Variants in UHRF1 observed in about 807,000 individuals in gnomAD.
The protein encoded by UHRF1 is E3 ubiquitin-protein ligase UHRF1.
In UHRF1, 9 loss-of-function variants were observed where a neutral mutation model predicts 96.5. The observed-to-expected ratio is 0.09, with a 90% CI of 0.06 to 0.16. The LOEUF is 0.16. Among genes scored for constraint, UHRF1 ranks in the 10% least tolerant of loss-of-function variants. The pLI is 1.00. For missense variants in UHRF1, 626 were observed against 1,131.1 expected, an observed-to-expected ratio of 0.55 and a Z score of 6.40; for synonymous variants, 455 against 469.9, an observed-to-expected ratio of 0.97 and a Z score of 0.41.
chr19:4,903,484 T>G (rs73532652), exon 1 of UHRF1: 2 of 151,926 alleles, frequency 1.3e-5, no homozygotes, highest in Non-Finnish European at 2.9e-5. Context: ...CTTTGCTAAT[T>G]TTTTTTTGGT....
intron 16 of UHRF1, among the ~76,000 whole-genome samples, chr19:4,958,498 A>T (rs1034656069): frequency 6.6e-6 from 1 of 152,184 alleles, no homozygotes; most frequent in South Asian, 2.1e-4. Flanking sequence ...GGACATTGGA[A>T]ACCATCTGTC....
At chr19:4,923,092 C>T (rs941930605) in intron 2 of UHRF1, among the ~76,000 whole-genome samples, 4 of 152,110 alleles carry the variant, frequency 2.6e-5, no homozygotes, top group African/African-American at 9.7e-5. Flanking sequence ...TCATTGGATC[C>T]CTCCTGGCCG....
intron 5 of UHRF1, among the ~76,000 whole-genome samples, chr19:4,933,877 G>A (rs1025814812): frequency 3.3e-5 from 5 of 151,932 alleles, no homozygotes; most frequent in East Asian, 1.9e-4. Flanking sequence ...GAGACTATGC[G>A]GCCTACAAAG....
chr19:4,910,664 T>G (rs1265129071), intron 1 of UHRF1: 1 of 431,598 alleles, frequency 2.3e-6, no homozygotes, highest in South Asian at 8.7e-5. Context: ...CTCCTCAATC[T>G]TCAACACTTG....
chr19:4,914,819 C>A (rs2032430434), intron 2 of UHRF1, among the ~76,000 whole-genome samples: 2 of 152,234 alleles, frequency 1.3e-5, no homozygotes, highest in Admixed American at 6.5e-5. Context: ...GGGCTAATAC[C>A]CACCACGCTG....
chr19:4,908,421 C>T (rs1054354029), upstream of UHRF1, among the ~76,000 whole-genome samples: 6 of 152,098 alleles, frequency 3.9e-5, no homozygotes, highest in African/African-American at 1.2e-4. Flanking sequence ...AAGTCCTCCC[C>T]GGTGGCCTTC....
At chr19:4,931,995 G>A (rs1186179719) in intron 4 of UHRF1, among the ~76,000 whole-genome samples, 1 of 152,072 alleles carries the variant, frequency 6.6e-6, no homozygotes, top group Admixed American at 6.5e-5. Context: ...TCAATGGCGC[G>A]ATCTCGGCTC....
At position 4,944,264 on chromosome 19, in the gene UHRF1, G is replaced by C; in HGVS notation, c.1197+9G>C. 1 of 1,614,002 alleles carries C rather than the reference G, an allele frequency of 6.2e-7. No individual in the cohort carries two copies. The highest frequency in any genetic ancestry group is 8.5e-7 in the Non-Finnish European group (1 of 1,179,874). ...AGCGGGACTGGGGCAAGGTGAGGCG[G>C]GTCCTTCCCACGTGCCCGTGGCCCC... On this transcript the variant is annotated intron_variant, in intron 8 of 16. Coordinates refer to ENST00000650932, the MANE Select transcript of UHRF1 (RefSeq NM_001048201.3).
At chr19:4,948,591 C>T (rs906387816) in intron 11 of UHRF1, among the ~76,000 whole-genome samples, 2 of 150,552 alleles carry the variant, frequency 1.3e-5, no homozygotes, top group Non-Finnish European at 3.0e-5. Context: ...CACCTGAGGT[C>T]AGGAGTTCAA....
chr19:4,915,849 A>G (rs944234608), intron 2 of UHRF1, among the ~76,000 whole-genome samples: 1 of 152,194 alleles, frequency 6.6e-6, no homozygotes, highest in African/African-American at 2.4e-5. Context: ...GGCTAGGAAG[A>G]ATGCTGCTGT....
upstream of UHRF1, chr19:4,909,491 GA>G: frequency 7.6e-6 from 5 of 655,350 alleles, no homozygotes; most frequent in African/African-American, 1.9e-5. Flanking sequence ...GTTTTCGCGG[GA>G]AAAAAATCAG....
intron 16 of UHRF1, 31 bp from the exon 17 acceptor site, chr19:4,960,626 G>T (rs1352396239): frequency 1.2e-6 from 2 of 1,607,722 alleles, no homozygotes; most frequent in Non-Finnish European, 1.7e-6. Context: ...GGTGTGGATG[G>T]CACTTCTCAC....
chr19:4,938,826 C>T (rs576175018), intron 5 of UHRF1, among the ~76,000 whole-genome samples: 20 of 146,832 alleles, frequency 1.4e-4, no homozygotes, highest in African/African-American at 4.8e-4. Flanking sequence ...TCACTGTAGC[C>T]CCAACCTCCT....
At chr19:4,935,237 G>A (rs2033180996) in intron 5 of UHRF1, among the ~76,000 whole-genome samples, 1 of 152,006 alleles carries the variant, frequency 6.6e-6, no homozygotes, top group Non-Finnish European at 1.5e-5. Context: ...CAAAGTGCTG[G>A]GATTACAGGC....
rs1194731948 is a variant in UHRF1, at chr19:4,951,295, G to A, written c.1818+299G>A. Among the ~76,000 whole-genome samples, 4 of 152,094 alleles carry A rather than the reference G, an allele frequency of 2.6e-5. 1 individual carries two copies. The highest frequency in any genetic ancestry group is 9.7e-5 in the African/African-American group (4 of 41,406). On this transcript the variant is annotated intron_variant, in intron 13 of 16. Coordinates refer to ENST00000650932, the MANE Select transcript of UHRF1 (RefSeq NM_001048201.3). ...CAGGAGCACTGCCGGGCTCCATGAC[G>A]GCTCTGACACTTCCCGCCTGGGCAC...
In UHRF1 at chr19:4,932,726, G is replaced by A. The variant is rs781613189; in HGVS notation, c.570-15G>A. ...GGTCTTAGCACGGGGTCTAAGGCCC[G>A]GGCTTTCCTCCCAGCTACCCGGAGA... is the stretch of plus-strand genomic sequence containing the variant. On this transcript the variant is annotated splice_polypyrimidine_tract_variant and intron_variant, in intron 4 of 16. Transcript: ENST00000650932. 3.5e-5 allele frequency: 56 copies of A among 1,613,064 alleles called. 1 individual carries two copies. The East Asian group carries it at 9.1e-4, about 26-fold the overall frequency.
chr19:4,917,652 CAAAAAAAAAAAA>C (rs754990585), intron 2 of UHRF1, among the ~76,000 whole-genome samples: 2 of 34,350 alleles, frequency 5.8e-5, no homozygotes, highest in African/African-American at 8.9e-5. Context: ...GACTCCGTCT[CAAAAAAAAAAAA>C]AAAAAAAAAA....
At position 4,936,413 on chromosome 19, in the gene UHRF1, A is replaced by G. The variant is rs73534659; in HGVS notation, c.785+3457A>G. Among the ~76,000 whole-genome samples, 1,152 of 152,238 alleles carry G rather than the reference A, an allele frequency of 7.6e-3. 13 individuals carry two copies. The highest frequency in any genetic ancestry group is 0.026 in the African/African-American group (1,096 of 41,536). The stretch of plus-strand genomic sequence containing the variant: ...ACCAGGGAGATGCGTGCTCTGAGAC[A>G]ACACGCGAGGATGGGTGGCAGAGAT... On this transcript the variant is annotated intron_variant, in intron 5 of 16. Transcript: ENST00000650932.
intron 2 of UHRF1, among the ~76,000 whole-genome samples, chr19:4,923,438 T>C (rs1018145905): frequency 6.6e-6 from 1 of 152,138 alleles, no homozygotes; most frequent in African/African-American, 2.4e-5. Flanking sequence ...GTATTTTCCA[T>C]CCTCTGCAGT....
Sources: allele counts gnomAD v4.1 joint callset (sites outside exome capture counted in the v4.1 genomes callset), GRCh38; gene constraint gnomAD v4.1.1; transcripts MANE v1.5; gene names NCBI Gene and HGNC (gene_info 2026-07-23, HGNC 2026-07-21).